The following SCRG1 variants were observed in gnomAD, a reference collection of about 807,000 sequenced individuals.
SCRG1 encodes the protein stimulator of chondrogenesis 1, also known as scrapie-responsive protein 1.
Under a neutral mutation model 7.7 loss-of-function variants are expected in SCRG1, and 3 were observed. The ratio of observed to expected loss-of-function variants is 0.39; its 90% CI spans 0.18 to 1.01. The LOEUF is 1.01. Among genes scored for constraint, SCRG1 ranks in the 50% least tolerant of loss-of-function variants. SCRG1 has a pLI of 0.36. For missense variants in SCRG1, 110 were observed against 117.2 expected (o/e 0.94, Z 0.28); for synonymous variants, 46 against 41.2 (o/e 1.12, Z -0.44).
chr4:173,387,371 G>T lies in SCRG1; in HGVS notation c.*970C>A, dbSNP rs958027217. ...TTTTTGTTTGTTTGTTTGAGACAGAGTCTCACTCTGTGGTTCCATGGTGGA... is the reference window on the plus strand; with the variant it reads ...TTTTTGTTTGTTTGTTTGAGACAGATTCTCACTCTGTGGTTCCATGGTGGA... On this transcript the variant is annotated 3_prime_UTR_variant, in exon 3 of 3. Coordinates refer to ENST00000296506, the MANE Select transcript of SCRG1 (RefSeq NM_007281.4). 7 of 152,226 alleles carry T rather than the reference G, an allele frequency of 4.6e-5. No homozygotes were observed. The highest frequency in any genetic ancestry group is 1.7e-4 in the African/African-American group (7 of 41,434). 9.4% of individuals were successfully genotyped at this position (152,226 alleles called of 1,614,324 possible).
chr4:173,474,846 A>T, the SCRG1 span, among the ~76,000 whole-genome samples: 2 of 152,232 alleles, frequency 1.3e-5, no homozygotes, highest in Admixed American at 6.5e-5. Context: ...GAAAATAAAG[A>T]TCACAAAAAC....
chr4:173,493,855 C>A, the SCRG1 span, among the ~76,000 whole-genome samples: 1 of 152,062 alleles, frequency 6.6e-6, no homozygotes, highest in Non-Finnish European at 1.5e-5. Context: ...ATTACCAAGT[C>A]TTTTCCAAGT....
At chr4:173,433,007 C>T in the SCRG1 span, among the ~76,000 whole-genome samples, 1 of 152,126 alleles carries the variant, frequency 6.6e-6, no homozygotes, top group Non-Finnish European at 1.5e-5. Context: ...TTACAGATAT[C>T]AGAAAGCATG....
the SCRG1 span, chr4:173,419,802 C>G: frequency 6.8e-7 from 1 of 1,464,352 alleles, no homozygotes; most frequent in Non-Finnish European, 9.4e-7. Flanking sequence ...TTGCCAGTCA[C>G]CTCCACTTGG....
At chr4:173,468,757 TC>T in the SCRG1 span, 12 of 152,176 alleles carry the variant, frequency 7.9e-5, no homozygotes, top group African/African-American at 2.7e-4. Context: ...AGTAAACTCA[TC>T]CCTACTTTGA....
chr4:173,483,744 AT>A, the SCRG1 span, among the ~76,000 whole-genome samples: 8 of 39,872 alleles, frequency 2.0e-4, 4 homozygotes, highest in Admixed American at 1.6e-3. Flanking sequence ...TATATGATAT[AT>A]TATATGTGAT....
At chr4:173,458,168 T>C in the SCRG1 span, among the ~76,000 whole-genome samples, 1 of 152,252 alleles carries the variant, frequency 6.6e-6, no homozygotes, top group Admixed American at 6.5e-5. Flanking sequence ...TGCTCACGCA[T>C]AGGGCCATAG....
At chr4:173,453,294 G>T in the SCRG1 span, among the ~76,000 whole-genome samples, 3 of 152,190 alleles carry the variant, frequency 2.0e-5, no homozygotes. Flanking sequence ...CAGAATAAAC[G>T]CAGTCAGTAT....
At chr4:173,475,339 A>G in the SCRG1 span, among the ~76,000 whole-genome samples, 1 of 152,184 alleles carries the variant, frequency 6.6e-6, no homozygotes, top group African/African-American at 2.4e-5. Context: ...CATTATCTAC[A>G]AGTAGTAGAT....
chr4:173,411,575 T>G, the SCRG1 span, among the ~76,000 whole-genome samples: 483 of 150,240 alleles, frequency 3.2e-3, 2 homozygotes, highest in African/African-American at 0.011. Context: ...GGTGGCATAT[T>G]TTAATAAATA....
chr4:173,482,825 C>T, the SCRG1 span, among the ~76,000 whole-genome samples: 1 of 147,392 alleles, frequency 6.8e-6, no homozygotes, highest in East Asian at 2.0e-4. Flanking sequence ...CTCACACACA[C>T]ACATGCACAC....
intron 1 of SCRG1, among the ~76,000 whole-genome samples, chr4:173,392,560 A>C (rs1358042166): frequency 1.3e-5 from 2 of 152,224 alleles, no homozygotes; most frequent in Non-Finnish European, 2.9e-5. Flanking sequence ...CAAGTACAGG[A>C]TTTGCATAGA....
In SCRG1 at chr4:173,396,741, T is replaced by TGTGTGTGTGTGTGTGTGTGA. The variant is rs35823365; in HGVS notation, c.-15+2326_-15+2327insTCACACACACACACACACAC. On this transcript the variant is annotated intron_variant, in intron 1 of 2. Transcript: ENST00000296506. ...GTGTGTGTGTGTGTGTGTGTGTGTG[T>TGTGTGTGTGTGTGTGTGTGA]GTGTGTGTATGCATTATAAATTACA... Among the ~76,000 whole-genome samples the TGTGTGTGTGTGTGTGTGTGA allele has an allele frequency of 7.2e-3, 1,053 of 145,612 alleles. 12 individuals carry two copies. The highest frequency in any genetic ancestry group is 0.021 in the African/African-American group (825 of 39,172).
upstream of SCRG1, among the ~76,000 whole-genome samples, chr4:173,407,138 G>C (rs934271969): frequency 6.6e-6 from 1 of 151,854 alleles, no homozygotes; most frequent in African/African-American, 2.4e-5. Context: ...GAACCTGGGA[G>C]GCAGAAGTTG....
chr4:173,445,700 C>G, the SCRG1 span, among the ~76,000 whole-genome samples: 2 of 147,526 alleles, frequency 1.4e-5, no homozygotes, highest in Non-Finnish European at 1.5e-5. Flanking sequence ...GAGTCTTGCT[C>G]TGTCTTCTAG....
the SCRG1 span, among the ~76,000 whole-genome samples, chr4:173,447,245 G>T: frequency 3.9e-5 from 6 of 152,156 alleles, no homozygotes; most frequent in Admixed American, 1.3e-4. Flanking sequence ...TGAAAAGAGG[G>T]CTAGCTAGCT....
the SCRG1 span, among the ~76,000 whole-genome samples, chr4:173,420,704 T>TG: frequency 2.0e-5 from 3 of 146,754 alleles, no homozygotes; most frequent in Admixed American, 6.8e-5. Flanking sequence ...GGAGCCAAGC[T>TG]GAAAAAAAAA....
the SCRG1 span, among the ~76,000 whole-genome samples, chr4:173,432,225 C>T: frequency 6.8e-6 from 1 of 146,934 alleles, no homozygotes; most frequent in African/African-American, 2.5e-5. Context: ...ATCTACTTTA[C>T]AGGTCCTTCT....
At chr4:173,424,493 A>G in the SCRG1 span, among the ~76,000 whole-genome samples, 1 of 152,212 alleles carries the variant, frequency 6.6e-6, no homozygotes, top group Non-Finnish European at 1.5e-5. Context: ...TAAACCTTGG[A>G]TACATGAGGC....
Sources: gnomAD v4.1 joint callset for allele counts (sites outside exome capture counted in the v4.1 genomes callset) on GRCh38, gnomAD v4.1.1 for gene constraint, MANE v1.5 for transcripts, NCBI Gene and HGNC (gene_info 2026-07-23, HGNC 2026-07-21) for gene names.